Variants in CREB5 observed in about 807,000 individuals in gnomAD.
The protein encoded by CREB5 is cAMP responsive element binding protein 5.
In CREB5, 19 loss-of-function variants were observed where a neutral mutation model predicts 57.1. The ratio of observed to expected loss-of-function variants is 0.33; its 90% CI spans 0.23 to 0.49. CREB5 has a LOEUF of 0.49. Among genes scored for constraint, CREB5 ranks in the 20% least tolerant of loss-of-function variants. CREB5 has a pLI of 0.99. For missense variants in CREB5, 579 were observed against 671.6 expected (o/e 0.86, Z 1.52); for synonymous variants, 238 against 238.3 (o/e 1.00, Z 0.01).
intron 4 of CREB5, among the ~76,000 whole-genome samples, chr7:28,560,925 CG>C (rs1795183849): frequency 3.0e-5 from 1 of 33,480 alleles, no homozygotes. Context: ...CGTGTGTGCG[CG>C]TGCGTGTGTG....
At chr7:28,328,067 G>A (rs1199014715) in intron 1 of CREB5, among the ~76,000 whole-genome samples, 2 of 152,132 alleles carry the variant, frequency 1.3e-5, no homozygotes, top group East Asian at 1.9e-4. Context: ...AATAGCTGCA[G>A]CACCCCTCAA....
chr7:28,407,782 C>T (rs558936619), upstream of CREB5, among the ~76,000 whole-genome samples: 1 of 152,286 alleles, frequency 6.6e-6, no homozygotes, highest in East Asian at 1.9e-4. Context: ...ACATGCTAAG[C>T]TCTTCCATTT....
At chr7:28,810,905 C>A (rs1292911068) in intron 9 of CREB5, among the ~76,000 whole-genome samples, 1 of 152,058 alleles carries the variant, frequency 6.6e-6, no homozygotes, top group Non-Finnish European at 1.5e-5. Flanking sequence ...TGTATGAGGG[C>A]CTGAATTTCA....
intron 5 of CREB5, among the ~76,000 whole-genome samples, chr7:28,673,273 T>C (rs748023780): frequency 2.6e-5 from 4 of 152,164 alleles, no homozygotes; most frequent in Non-Finnish European, 4.4e-5. Flanking sequence ...TCATCACACA[T>C]TCTAAAAGGA....
chr7:28,651,277 A>C (rs1337221812), intron 5 of CREB5, among the ~76,000 whole-genome samples: 2 of 152,166 alleles, frequency 1.3e-5, no homozygotes, highest in Non-Finnish European at 2.9e-5. Flanking sequence ...TGTGATGGAG[A>C]TATGCTAAAA....
intron 1 of CREB5, among the ~76,000 whole-genome samples, chr7:28,391,953 C>T (rs112897558): frequency 2.0e-5 from 3 of 152,136 alleles, no homozygotes; most frequent in African/African-American, 7.2e-5. Context: ...AATTTTTTCA[C>T]AAAATCCTGT....
intron 4 of CREB5, among the ~76,000 whole-genome samples, chr7:28,528,986 G>A (rs973146667): frequency 6.6e-6 from 1 of 152,150 alleles, no homozygotes; most frequent in African/African-American, 2.4e-5. Flanking sequence ...ACTTTGCAAT[G>A]ATTCCTCATA....
intron 7 of CREB5, among the ~76,000 whole-genome samples, chr7:28,790,983 A>AT (rs1251402252): frequency 2.6e-5 from 4 of 152,160 alleles, no homozygotes; most frequent in Non-Finnish European, 2.9e-5. Flanking sequence ...AAGTGGGAAA[A>AT]TTTCCATACA....
chr7:28,566,760 G>A (rs1021539882), intron 4 of CREB5, among the ~76,000 whole-genome samples: 1 of 152,170 alleles, frequency 6.6e-6, no homozygotes, highest in Admixed American at 6.5e-5. Context: ...TCTGGGTTTT[G>A]GAGAAGACTG....
At chr7:28,306,505 C>A (rs190978155) in intron 1 of CREB5, among the ~76,000 whole-genome samples, 3 of 99,124 alleles carry the variant, frequency 3.0e-5, no homozygotes, top group Non-Finnish European at 4.2e-5. Context: ...TTTAAATGGG[C>A]GATGAAGAAA....
chr7:28,765,836 A>G (rs1805938871), intron 7 of CREB5, among the ~76,000 whole-genome samples: 1 of 152,200 alleles, frequency 6.6e-6, no homozygotes, highest in Admixed American at 6.5e-5. Context: ...GGCCCCCACC[A>G]TGCCTCGAGC....
At chr7:28,409,861 C>G, upstream of CREB5, 1 of 453,706 alleles carries the variant, frequency 2.2e-6, no homozygotes, top group Non-Finnish European at 4.4e-6. The surrounding 1 kb of genome is among the most constrained non-coding windows in gnomAD (Gnocchi z 4.4). Flanking sequence ...GACGCGGGGA[C>G]CAGTTATGAA....
At chr7:28,319,670 T>TC (rs1785455277) in intron 1 of CREB5, among the ~76,000 whole-genome samples, 1 of 152,000 alleles carries the variant, frequency 6.6e-6, no homozygotes, top group Non-Finnish European at 1.5e-5. Flanking sequence ...CCCCACCATT[T>TC]CCCCATCAAG....
chr7:28,421,361 T>C (rs1367816598), intron 1 of CREB5, among the ~76,000 whole-genome samples: 2 of 152,200 alleles, frequency 1.3e-5, no homozygotes, highest in Non-Finnish European at 2.9e-5. Flanking sequence ...ATGGTATACA[T>C]ATACCACATT....
chr7:28,360,137 A>G (rs771898346), intron 1 of CREB5, among the ~76,000 whole-genome samples: 1 of 152,224 alleles, frequency 6.6e-6, no homozygotes, highest in Non-Finnish European at 1.5e-5. Context: ...GGAAATGGGT[A>G]CAACCACTGT....
At chr7:28,629,756 T>C (rs1259134045) in intron 5 of CREB5, among the ~76,000 whole-genome samples, 1 of 152,174 alleles carries the variant, frequency 6.6e-6, no homozygotes, top group Non-Finnish European at 1.5e-5. Flanking sequence ...ATCTATTAAA[T>C]TGTAAAAGTT....
intron 5 of CREB5, among the ~76,000 whole-genome samples, chr7:28,577,180 A>T (rs182549612): frequency 6.6e-6 from 1 of 152,196 alleles, no homozygotes; most frequent in African/African-American, 2.4e-5. Context: ...TTACCTACAT[A>T]TAAAGGGGTT....
chr7:28,553,206 T>A (rs752489606), intron 4 of CREB5, among the ~76,000 whole-genome samples: 6 of 152,216 alleles, frequency 3.9e-5, no homozygotes, highest in Non-Finnish European at 7.3e-5. Flanking sequence ...ACCCCTAATT[T>A]ATTTTTTATA....
intron 5 of CREB5, among the ~76,000 whole-genome samples, chr7:28,713,242 T>C (rs957123439): frequency 5.3e-5 from 8 of 152,232 alleles, no homozygotes; most frequent in African/African-American, 1.9e-4. Flanking sequence ...GGTTTTGCCA[T>C]GTTGCTCAGG....
Sources: gnomAD v4.1 joint callset for allele counts (sites outside exome capture counted in the v4.1 genomes callset) on GRCh38, gnomAD v4.1.1 for gene constraint, Gnocchi (gnomAD v3.1) non-coding constraint, MANE v1.5 for transcripts, NCBI Gene and HGNC (gene_info 2026-07-23, HGNC 2026-07-21) for gene names.